Variants in NDFIP2 observed in about 807,000 individuals in gnomAD.
NDFIP2 encodes NEDD4 family-interacting protein 2.
Under a neutral mutation model 36.0 loss-of-function variants are expected in NDFIP2, and 19 were observed. That is an observed-to-expected ratio of 0.53 (90% CI 0.37 to 0.77). The LOEUF is 0.77. Among genes scored for constraint, NDFIP2 ranks in the 30% least tolerant of loss-of-function variants. The pLI, the probability that NDFIP2 is intolerant of heterozygous loss-of-function variation, is 0.00. For missense variants in NDFIP2, 446 were observed against 435.8 expected, an observed-to-expected ratio of 1.02 and a Z score of -0.21; for synonymous variants, 181 against 167.7, an observed-to-expected ratio of 1.08 and a Z score of -0.61.
In NDFIP2 at chr13:79,555,436, A is replaced by G. The variant is rs1876075786; in HGVS notation, c.*2923A>G. On this transcript the variant is annotated 3_prime_UTR_variant, in exon 8 of 8. Coordinates refer to ENST00000218652, the MANE Select transcript of NDFIP2 (RefSeq NM_019080.3). ...GATAAGTTATATGATCATCCTGTGTATAATTGTAGACTGTACCAAGAAGCA... is the reference window on the plus strand; with the variant it reads ...GATAAGTTATATGATCATCCTGTGTGTAATTGTAGACTGTACCAAGAAGCA... 1 of 151,660 alleles carries G rather than the reference A, an allele frequency of 6.6e-6. No homozygotes were observed. The highest frequency in any genetic ancestry group is 1.5e-5 in the Non-Finnish European group (1 of 67,846). The allele number at this position is 151,660 out of a possible 1,614,324, so 9.4% of individuals were successfully genotyped here.
In NDFIP2 at chr13:79,536,139, C is replaced by G. The variant is rs185783161; in HGVS notation, c.621+2683C>G. 1.9e-3 allele frequency among the ~76,000 whole-genome samples: 293 copies of G among 152,276 alleles called. 1 individual carries two copies. The highest frequency in any genetic ancestry group is 6.7e-3 in the African/African-American group (280 of 41,552). ...TTAAGTAGATTTCTGAAAATGACAA[C>G]TCATTGTTAATATTTCTATGAAAAA... On this transcript the variant is annotated intron_variant, in intron 3 of 7. Transcript: ENST00000218652.
At chr13:79,509,216 A>G (rs2140753150) in intron 1 of NDFIP2, among the ~76,000 whole-genome samples, 1 of 152,250 alleles carries the variant, frequency 6.6e-6, no homozygotes. Flanking sequence ...TTTTAGAGAG[A>G]CATAAGATAT....
rs111691603 is a variant in NDFIP2, at chr13:79,535,786, CA to C, written c.621+2338del. Among the ~76,000 whole-genome samples, 40 of 151,752 alleles carry C rather than the reference CA, an allele frequency of 2.6e-4. No homozygotes were observed. In the East Asian group the frequency reaches 6.0e-3, roughly 23 times the overall value. ...AGAGTAGATTTTAAGCGTTCTTGCA[CA>C]AAAAAAATATTTGAGGTACTGTACA... is the stretch of plus-strand genomic sequence containing the variant. On this transcript the variant is annotated intron_variant, in intron 3 of 7. Coordinates refer to ENST00000218652, the MANE Select transcript of NDFIP2 (RefSeq NM_019080.3).
At chr13:79,526,846 A>G (rs558829702) in intron 2 of NDFIP2, among the ~76,000 whole-genome samples, 1 of 152,336 alleles carries the variant, frequency 6.6e-6, no homozygotes, top group East Asian at 1.9e-4. Flanking sequence ...CTGATTTTCC[A>G]GCCATCCTGA....
chr13:79,492,298 G>A (rs901271978), intron 1 of NDFIP2, among the ~76,000 whole-genome samples: 1 of 147,196 alleles, frequency 6.8e-6, no homozygotes, highest in Admixed American at 6.9e-5. Context: ...CAAAGTGACA[G>A]CTTTTGTAGA....
chr13:79,527,568 G>A (rs964415601), intron 2 of NDFIP2, among the ~76,000 whole-genome samples: 6 of 152,126 alleles, frequency 3.9e-5, no homozygotes, highest in Non-Finnish European at 7.4e-5. Flanking sequence ...GGTAGCTGTC[G>A]TAAGGTTGCA....
At chr13:79,552,378 G>A (rs1215111528) in intron 7 of NDFIP2, 138 bp from the exon 8 acceptor site, 1 of 151,420 alleles carries the variant, frequency 6.6e-6, no homozygotes, top group African/African-American at 2.4e-5. Flanking sequence ...ACTTTAGAAT[G>A]TATTCTGATA....
At chr13:79,484,667 A>G (rs2079832443) in intron 1 of NDFIP2, among the ~76,000 whole-genome samples, 1 of 152,218 alleles carries the variant, frequency 6.6e-6, no homozygotes, top group South Asian at 2.1e-4. Flanking sequence ...TATTCATTCT[A>G]CAAAGATCTG....
Position 79,481,390 on chromosome 13 carries a change from G to A in NDFIP2, c.187G>A (p.Gly63Ser), listed in dbSNP as rs1436105427. 1 of 1,555,660 alleles carries A rather than the reference G, an allele frequency of 6.4e-7. No individual in the cohort carries two copies. The highest frequency in any genetic ancestry group is 8.7e-7 in the Non-Finnish European group (1 of 1,149,580). ...DRGCRNGGGR[G>S]PAATTSSTGV... The stretch of plus-strand genomic sequence containing the variant: ...CGGCTGCAGGAACGGAGGCGGAAGG[G>A]GCCCTGCGGCGACGACGTCGTCGAC... Residue 63 changes from glycine (G) to serine (S), a missense_variant, in exon 1 of 8, where the codon GGC becomes AGC. This residue lies in a region of NDFIP2 where 369 missense variants were observed against 304.8 expected (regional missense o/e 1.21). Transcript: ENST00000218652.
chr13:79,539,862 T>C (rs1039242196), intron 4 of NDFIP2, 87 bp downstream of exon 4: 9 of 1,053,500 alleles, frequency 8.5e-6, no homozygotes, highest in Non-Finnish European at 1.3e-5. Context: ...GAAGCAAATA[T>C]TGTTAGCATA....
Position 79,483,792 on chromosome 13 carries a change from C to G in NDFIP2, c.321+2268C>G, listed in dbSNP as rs2079828623. 2.6e-5 allele frequency among the ~76,000 whole-genome samples: 4 copies of G among 152,056 alleles called. No individual in the cohort carries two copies. In the South Asian group the frequency reaches 6.2e-4, roughly 24 times the overall value. On this transcript the variant is annotated intron_variant, in intron 1 of 7. Transcript: ENST00000218652. ...CTTTCCTTTCATTGTTAAAAGCATC[C>G]AAAATTTATTGAGTAAAGCAGTGGA...
intron 2 of NDFIP2, among the ~76,000 whole-genome samples, chr13:79,529,897 G>T (rs1304137781): frequency 6.6e-6 from 1 of 152,172 alleles, no homozygotes; most frequent in East Asian, 1.9e-4. Flanking sequence ...TCAGTGAAAA[G>T]AGTCATATGA....
Position 79,552,814 on chromosome 13 carries a change from T to G in NDFIP2, c.*301T>G, listed in dbSNP as rs1875956340. Reference sequence around the variant, plus strand: ...AGTCCAGTCACATTTGGTTAATCAGTGTTTGATATAATTGAAAGAGTTGAG... The same window carrying G: ...AGTCCAGTCACATTTGGTTAATCAGGGTTTGATATAATTGAAAGAGTTGAG... On this transcript the variant is annotated 3_prime_UTR_variant, in exon 8 of 8. Transcript: ENST00000218652. The G allele has an allele frequency of 6.6e-6, 1 of 151,888 alleles. No individual in the cohort carries two copies. The highest frequency in any genetic ancestry group is 2.4e-5 in the African/African-American group (1 of 41,414). 9.4% of individuals were successfully genotyped at this position (151,888 alleles called of 1,614,324 possible).
chr13:79,533,510 T>G (rs111513856), intron 3 of NDFIP2, 54 bp downstream of exon 3: 17,537 of 1,469,668 alleles, frequency 0.012, 437 homozygotes, highest in African/African-American at 0.097. Context: ...AATTGATATA[T>G]ACATTTAGTA....
intron 3 of NDFIP2, among the ~76,000 whole-genome samples, chr13:79,535,638 A>T (rs531455476): frequency 3.3e-4 from 51 of 152,326 alleles, no homozygotes; most frequent in Admixed American, 2.4e-3. Context: ...AATCTTATAA[A>T]TTTACCAGTG....
chr13:79,502,728 C>G (rs1456540686), intron 1 of NDFIP2, among the ~76,000 whole-genome samples: 1 of 151,882 alleles, frequency 6.6e-6, no homozygotes, highest in Non-Finnish European at 1.5e-5. Context: ...TGGGTGAAAG[C>G]CACATGGTAA....
At chr13:79,526,677 G>A (rs576336552) in intron 2 of NDFIP2, among the ~76,000 whole-genome samples, 1 of 152,306 alleles carries the variant, frequency 6.6e-6, no homozygotes, top group East Asian at 1.9e-4. Context: ...TATTAGGCAG[G>A]TAGGAGAGGA....
intron 3 of NDFIP2, among the ~76,000 whole-genome samples, chr13:79,538,179 G>A (rs1875316928): frequency 6.6e-6 from 1 of 152,100 alleles, no homozygotes; most frequent in Admixed American, 6.5e-5. Flanking sequence ...CCCATGATCC[G>A]ATCACCTCCT....
Position 79,554,672 on chromosome 13 carries a change from A to G in NDFIP2, c.*2159A>G, listed in dbSNP as rs1198878923. ...TTTTCAAGAACTTAATGTTCCCTTC[A>G]GATATATAAAATCCTGCATACTTCA... On this transcript the variant is annotated 3_prime_UTR_variant, in exon 8 of 8. Transcript: ENST00000218652. 1 of 151,858 alleles carries G rather than the reference A, an allele frequency of 6.6e-6. No homozygotes were observed. Among genetic ancestry groups the G allele is most frequent in the Non-Finnish European group, 1.5e-5 (1 of 67,820 alleles). The allele number at this position is 151,858 out of a possible 1,614,324, so 9.4% of individuals were successfully genotyped here. A position where few individuals can be genotyped will look rare whatever the true frequency, so the allele number is the denominator to read the frequency against.
Sources: gnomAD v4.1 joint callset for allele counts (sites outside exome capture counted in the v4.1 genomes callset) on GRCh38, gnomAD v4.1.1 for gene constraint, gnomAD v4.1.1 regional missense constraint, MANE v1.5 for transcripts, NCBI Gene and HGNC (gene_info 2026-07-23, HGNC 2026-07-21) for gene names.